Variants in PKD2L1 observed in about 807,000 individuals in gnomAD.
The protein encoded by PKD2L1 is polycystin-2-like protein 1.
In PKD2L1, 77 loss-of-function variants were observed where a neutral mutation model predicts 93.0. That is an observed-to-expected ratio of 0.83 (90% CI 0.69 to 1.00). PKD2L1 has a LOEUF of 1.00. PKD2L1 is among the 50% of genes least tolerant of loss of function. The pLI is 0.00. For missense variants in PKD2L1, 977 were observed against 990.9 expected, an observed-to-expected ratio of 0.99 and a Z score of 0.19; for synonymous variants, 390 against 388.0, an observed-to-expected ratio of 1.01 and a Z score of -0.06.
chr10:100,308,542 C>T (rs890010787), intron 2 of PKD2L1, among the ~76,000 whole-genome samples: 2 of 152,116 alleles, frequency 1.3e-5, no homozygotes, highest in Non-Finnish European at 2.9e-5. Context: ...ACCATGTTGA[C>T]CAGGCTAGTC....
rs1412754754 is a variant in PKD2L1 at position 100,293,279 on chromosome 10, A to C, written c.1758+2T>G. On this transcript the variant is annotated splice_donor_variant, in intron 10 of 15. Coordinates refer to ENST00000318222, the MANE Select transcript of PKD2L1 (RefSeq NM_016112.3). LOFTEE classifies it high-confidence loss of function. ...TGTAGCTCAAGGAGATTGAGCAATC[A>C]CCTGTTTCAGGAGGTCAGAAAGTTG... 1 of 1,598,898 alleles carries C rather than the reference A, an allele frequency of 6.3e-7. No homozygotes were observed. Among genetic ancestry groups the C allele is most frequent in the Non-Finnish European group, 8.6e-7 (1 of 1,166,230 alleles).
At chr10:100,319,593 C>A (rs1461057648) in intron 2 of PKD2L1, among the ~76,000 whole-genome samples, 1 of 152,234 alleles carries the variant, frequency 6.6e-6, no homozygotes, top group African/African-American at 2.4e-5. Flanking sequence ...CTCACTTCAA[C>A]CTCTCCTATT....
chr10:100,294,796 C>T (rs1848487173), intron 8 of PKD2L1, 141 bp from the exon 9 acceptor site: 2 of 1,343,892 alleles, frequency 1.5e-6, no homozygotes, highest in Non-Finnish European at 1.0e-6. Context: ...TTTAAGCACA[C>T]ACACCAGGGC....
rs1849250894 is a variant in PKD2L1, at chr10:100,321,763, G to A, written c.349+7448C>T. 5.3e-3 allele frequency among the ~76,000 whole-genome samples: 5 copies of A among 938 alleles called. 2 individuals are homozygous for A. The highest frequency in any genetic ancestry group is 0.025 in the African/African-American group (5 of 204). 0.6% of individuals were successfully genotyped at this position (938 alleles called of 152,430 possible). ...AGAAAGAAAGAAAGAAAGAAGGGAG[G>A]GAGGGAGGGAGGGAGGGAGGGAGGG... On this transcript the variant is annotated intron_variant, in intron 2 of 15. Transcript: ENST00000318222.
intron 9 of PKD2L1, among the ~76,000 whole-genome samples, chr10:100,293,636 A>G (rs1848456146): frequency 6.6e-6 from 1 of 152,156 alleles, no homozygotes; most frequent in African/African-American, 2.4e-5. Context: ...TTCTGACCAC[A>G]GAGATACAAT....
chr10:100,297,449 C>G lies in PKD2L1; in HGVS notation c.889G>C (p.Gly297Arg). The change falls in exon 5 of 16, where the codon GGC becomes CGC. Residue 297 changes from glycine (G) to arginine (R), a missense_variant. Physicochemically the swap from Gly to Arg is moderately radical, Grantham distance 125 (BLOSUM62 -2). Transcript: ENST00000318222. ...AAGTCGATGAACACCACTCGAGTGC[C>G]CCTGTCCAGCCACAGCCCCTCCTGA... Reference protein sequence around the residue: ...ALQEGLWLDRGTRVVFIDFSV... With the variant: ...ALQEGLWLDRRTRVVFIDFSV... 2 of 1,614,166 alleles carry G rather than the reference C, an allele frequency of 1.2e-6. No individual in the cohort carries two copies. Among genetic ancestry groups the G allele is most frequent in the Non-Finnish European group, 1.7e-6 (2 of 1,180,038 alleles).
chr10:100,296,502 G>A (rs1478926501), intron 6 of PKD2L1, among the ~76,000 whole-genome samples: 1 of 152,192 alleles, frequency 6.6e-6, no homozygotes, highest in African/African-American at 2.4e-5. Flanking sequence ...AGAAGGCATT[G>A]GGGACAATGG....
chr10:100,288,427 CGG>C lies in PKD2L1; in HGVS notation c.2385_2386del (p.Arg796TrpfsTer2). 6.2e-7 allele frequency: 1 copy of C among 1,612,840 alleles called. No individual in the cohort carries two copies. The highest frequency in any genetic ancestry group is 8.5e-7 in the Non-Finnish European group (1 of 1,178,830). ...CCTCTGCAACGTTGGAATCTCACCA[CGG>C]GAGAGTCTCCTCTCCTCTAAGGCTT... On this transcript the variant is annotated frameshift_variant, in exon 16 of 16. Coordinates refer to ENST00000318222, the MANE Select transcript of PKD2L1 (RefSeq NM_016112.3). LOFTEE classifies it low-confidence loss of function (END_TRUNC).
At position 100,294,549 on chromosome 10, in the gene PKD2L1, A is replaced by C; in HGVS notation, c.1645T>G (p.Phe549Val). ...GAGACCCTCACCAGGAGCACGAAGA[A>C]GACGAAGAAGACATAGGTGACAAAG... is the stretch of plus-strand genomic sequence containing the variant. ...AYFVTYVFFVFFVLLNMFLAI... is the reference protein window; with the variant it reads ...AYFVTYVFFVVFVLLNMFLAI... The change falls in exon 9 of 16, where the codon TTC becomes GTC. Residue 549 changes from phenylalanine (F) to valine (V), a missense_variant. Phe to Val is a conservative substitution (Grantham distance 50). Coordinates refer to ENST00000318222, the MANE Select transcript of PKD2L1 (RefSeq NM_016112.3). The C allele has an allele frequency of 1.2e-6, 2 of 1,614,092 alleles. No individual in the cohort carries two copies. Among genetic ancestry groups the C allele is most frequent in the Non-Finnish European group, 1.7e-6 (2 of 1,179,986 alleles).
intron 12 of PKD2L1, among the ~76,000 whole-genome samples, chr10:100,290,774 T>G (rs1259598302): frequency 6.6e-6 from 1 of 152,184 alleles, no homozygotes; most frequent in Non-Finnish European, 1.5e-5. Context: ...AGAGGCCAAC[T>G]CATTTTAGCA....
rs138510953 is a variant in PKD2L1 at position 100,290,402 on chromosome 10, T to C, written c.2125A>G (p.Met709Val). Residue 709 changes from methionine (M) to valine (V), a missense_variant and splice_region_variant, in exon 13 of 16, where the codon ATG becomes GTG. Physicochemically the swap from Met to Val is conservative, Grantham distance 21. Coordinates refer to ENST00000318222, the MANE Select transcript of PKD2L1 (RefSeq NM_016112.3). ...GGWVSGEEFY[M>V]LTRRVLQLET... is the part of the protein sequence containing the mutation. ...CCAGCCTTTCTTGGCTGCACGTACA[T>C]GTAGAATTCTTCTCCTGAAACCCAG... The C allele has an allele frequency of 3.4e-5, 55 of 1,599,982 alleles. No individual in the cohort carries two copies. Among genetic ancestry groups the C allele is most frequent in the African/African-American group, 1.7e-4 (13 of 74,810 alleles).
chr10:100,289,352 C>G (rs1410449193), intron 14 of PKD2L1, among the ~76,000 whole-genome samples: 1 of 152,060 alleles, frequency 6.6e-6, no homozygotes, highest in Non-Finnish European at 1.5e-5. Flanking sequence ...CCAGCCTGAC[C>G]AATATGGAGA....
rs1372542519 is a variant in PKD2L1, at chr10:100,291,180, T to C, written c.2007+121A>G. On this transcript the variant is annotated intron_variant, in intron 12 of 15. Coordinates refer to ENST00000318222, the MANE Select transcript of PKD2L1 (RefSeq NM_016112.3). Reference sequence around the variant, plus strand: ...TGCAGCAGTTTGGGAACTACTATTCTAGAGAGTTCTTTACTATCTATGGGA... The same window carrying C: ...TGCAGCAGTTTGGGAACTACTATTCCAGAGAGTTCTTTACTATCTATGGGA... The C allele has an allele frequency of 4.8e-6, 5 of 1,047,564 alleles. No homozygotes were observed. In the East Asian group the frequency reaches 9.6e-5, roughly 20 times the overall value. 64.9% of individuals were successfully genotyped at this position (1,047,564 alleles called of 1,614,324 possible).
At chr10:100,316,111 T>C (rs1433899906) in intron 2 of PKD2L1, among the ~76,000 whole-genome samples, 1 of 152,190 alleles carries the variant, frequency 6.6e-6, no homozygotes, top group East Asian at 1.9e-4. Context: ...ACATTCTATG[T>C]CACTGTTTGT....
At chr10:100,329,080 T>C in intron 2 of PKD2L1, 131 bp downstream of exon 2, 2 of 745,660 alleles carry the variant, frequency 2.7e-6, no homozygotes, top group East Asian at 2.7e-5. Context: ...TTATCTAAAG[T>C]TCCCGGATAT....
intron 1 of PKD2L1, 164 bp from the exon 2 acceptor site, chr10:100,329,488 G>A: frequency 1.1e-6 from 1 of 939,758 alleles, no homozygotes; most frequent in Non-Finnish European, 1.6e-6. Context: ...ACCCATGCTT[G>A]CTCTTCCCAT....
At chr10:100,327,248 C>T (rs1849399761) in intron 2 of PKD2L1, among the ~76,000 whole-genome samples, 1 of 152,212 alleles carries the variant, frequency 6.6e-6, no homozygotes, top group African/African-American at 2.4e-5. Context: ...GGCCACCTGA[C>T]AGAGCACCAT....
rs369565029 is a variant in PKD2L1 at position 100,321,852 on chromosome 10, AAGGC to A, written c.349+7355_349+7358del. On this transcript the variant is annotated intron_variant, in intron 2 of 15. Coordinates refer to ENST00000318222, the MANE Select transcript of PKD2L1 (RefSeq NM_016112.3). ...GAAAGAAGGAAAGCAAGCAAGCAAG[AAGGC>A]AGGCAGGCAGGCAGGCAGGCAGGGA... 6.4e-3 allele frequency among the ~76,000 whole-genome samples: 3 copies of A among 466 alleles called. 1 individual carries two copies. Among genetic ancestry groups the A allele is most frequent in the Non-Finnish European group, 0.059 (2 of 34 alleles). 0.3% of individuals were successfully genotyped at this position (466 alleles called of 152,430 possible). A position where few individuals can be genotyped will look rare whatever the true frequency, so the allele number is the denominator to read the frequency against.
intron 2 of PKD2L1, among the ~76,000 whole-genome samples, chr10:100,323,928 A>G (rs1489695916): frequency 6.6e-6 from 1 of 152,124 alleles, no homozygotes; most frequent in African/African-American, 2.4e-5. Flanking sequence ...CCCAGGTTCA[A>G]GTGATTCTCC....
Sources: allele counts gnomAD v4.1 joint callset (sites outside exome capture counted in the v4.1 genomes callset), GRCh38; gene constraint gnomAD v4.1.1; transcripts MANE v1.5; gene names NCBI Gene and HGNC (gene_info 2026-07-23, HGNC 2026-07-21).